The following ZC3H12B variants were observed in gnomAD, a reference collection of about 807,000 sequenced individuals.
ZC3H12B encodes the protein zinc finger CCCH-type containing 12B, also known as probable ribonuclease ZC3H12B.
Under a neutral mutation model 43.9 loss-of-function variants are expected in ZC3H12B, and 7 were observed. That is an observed-to-expected ratio of 0.16 (90% confidence interval 0.09 to 0.30). The LOEUF is 0.30. ZC3H12B is among the 10% of genes least tolerant of loss of function. ZC3H12B has a pLI of 1.00. For synonymous variants in ZC3H12B, 222 were observed against 241.7 expected (o/e 0.92, Z 0.76); for missense variants, 475 against 670.2 (o/e 0.71, Z 3.22).
the ZC3H12B span, among the ~76,000 whole-genome samples, chrX:65,087,127 C>G: frequency 1.8e-5 from 2 of 110,596 alleles, no homozygotes; most frequent in Non-Finnish European, 3.8e-5. Context: ...AGCTCCGATA[C>G]CCACAATAGG....
At chrX:65,043,949 C>T in the ZC3H12B span, among the ~76,000 whole-genome samples, 80 of 111,781 alleles carry the variant, frequency 7.2e-4, no homozygotes, top group Non-Finnish European at 1.2e-3. Flanking sequence ...ATTTATTGAG[C>T]GTTGCTACAT....
chrX:65,148,049 C>T, the ZC3H12B span, among the ~76,000 whole-genome samples: 6 of 110,233 alleles, frequency 5.4e-5, no homozygotes, highest in Non-Finnish European at 7.6e-5. Context: ...TGGGATGAGC[C>T]TGGACCCTAA....
At chrX:65,310,263 G>C in the ZC3H12B span, among the ~76,000 whole-genome samples, 97 of 111,788 alleles carry the variant, frequency 8.7e-4, no homozygotes, top group African/African-American at 3.0e-3. Flanking sequence ...CATCGTCTCA[G>C]CCCAAAATCT....
intron 3 of ZC3H12B, among the ~76,000 whole-genome samples, chrX:65,433,725 A>T (rs1216601304): frequency 1.8e-5 from 2 of 111,854 alleles, no homozygotes; most frequent in Non-Finnish European, 3.8e-5. Flanking sequence ...GTAAATGGCC[A>T]TAGGACCCTT....
intron 3 of ZC3H12B, among the ~76,000 whole-genome samples, chrX:65,459,885 G>A (rs1184740656): frequency 9.0e-6 from 1 of 111,383 alleles, no homozygotes; most frequent in Non-Finnish European, 1.9e-5. Context: ...AGGAAATAAA[G>A]GGTATTCAAT....
chrX:65,069,368 T>C, the ZC3H12B span, among the ~76,000 whole-genome samples: 1 of 108,051 alleles, frequency 9.3e-6, no homozygotes, highest in Non-Finnish European at 1.9e-5. Flanking sequence ...ATAACCTGTG[T>C]CCAAGCTTAC....
At chrX:65,356,526 C>A in the ZC3H12B span, among the ~76,000 whole-genome samples, 2 of 111,855 alleles carry the variant, frequency 1.8e-5, no homozygotes, top group South Asian at 7.4e-4. Flanking sequence ...TATTCTTCAT[C>A]AGAATTTGTA....
chrX:65,076,775 A>G, the ZC3H12B span, among the ~76,000 whole-genome samples: 1 of 109,456 alleles, frequency 9.1e-6, no homozygotes, highest in Non-Finnish European at 1.9e-5. Context: ...AATAATTCCT[A>G]TATCTTTGTT....
At chrX:65,187,615 C>A in the ZC3H12B span, among the ~76,000 whole-genome samples, 1 of 108,717 alleles carries the variant, frequency 9.2e-6, no homozygotes, top group African/African-American at 3.3e-5. Flanking sequence ...ACCGCAATTA[C>A]TTTTGCACCA....
chrX:65,149,143 T>C, the ZC3H12B span, among the ~76,000 whole-genome samples: 120 of 111,471 alleles, frequency 1.1e-3, 1 homozygote, highest in Middle Eastern at 4.6e-3. Flanking sequence ...CCAGGGTATC[T>C]AAAATCTCAG....
At chrX:65,346,767 C>A in the ZC3H12B span, among the ~76,000 whole-genome samples, 1 of 112,384 alleles carries the variant, frequency 8.9e-6, no homozygotes, top group South Asian at 3.7e-4. Context: ...CCTTCTCTCA[C>A]CAGGGCATCT....
the ZC3H12B span, among the ~76,000 whole-genome samples, chrX:65,176,473 A>G: frequency 3.2e-3 from 360 of 111,605 alleles, 2 homozygotes; most frequent in African/African-American, 0.011. Flanking sequence ...TGCAGATTTA[A>G]GTGTTCCTGC....
At chrX:65,326,607 A>ACC in the ZC3H12B span, among the ~76,000 whole-genome samples, 3,017 of 110,431 alleles carry the variant, frequency 0.027, 101 homozygotes, top group African/African-American at 0.095. Context: ...TGTCAGCATG[A>ACC]CCATAGTTTT....
At chrX:65,328,264 G>A in the ZC3H12B span, 1 of 256,464 alleles carries the variant, frequency 3.9e-6, no homozygotes, top group African/African-American at 2.9e-5. Context: ...TAGGGTAGGT[G>A]GGTGCCCAAC....
At chrX:65,176,049 T>C in the ZC3H12B span, among the ~76,000 whole-genome samples, 1 of 111,404 alleles carries the variant, frequency 9.0e-6, no homozygotes, top group Non-Finnish European at 1.9e-5. Flanking sequence ...AACCATTCAC[T>C]ACCCTGGAAA....
At chrX:65,501,078 A>C (rs755017341) in intron 4 of ZC3H12B, among the ~76,000 whole-genome samples, 31 of 111,438 alleles carry the variant, frequency 2.8e-4, no homozygotes, top group African/African-American at 9.8e-4. Flanking sequence ...ACAGCTAGTA[A>C]GGGACATAGC....
At chrX:65,042,416 G>C in the ZC3H12B span, among the ~76,000 whole-genome samples, 1 of 112,104 alleles carries the variant, frequency 8.9e-6, no homozygotes, top group East Asian at 2.8e-4. Context: ...TGCTAACAGG[G>C]GAGTATAAGC....
chrX:65,355,529 C>T, the ZC3H12B span, among the ~76,000 whole-genome samples: 2 of 111,284 alleles, frequency 1.8e-5, no homozygotes. Flanking sequence ...AATTCTGGGA[C>T]ACTTCCCAAC....
chrX:65,355,602 G>A, the ZC3H12B span, among the ~76,000 whole-genome samples: 1 of 111,327 alleles, frequency 9.0e-6, no homozygotes, highest in Admixed American at 9.5e-5. Flanking sequence ...GAGCAATTTG[G>A]GGGTGAGAAA....
Sources: allele counts gnomAD v4.1 joint callset (sites outside exome capture counted in the v4.1 genomes callset), GRCh38; gene constraint gnomAD v4.1.1; transcripts MANE v1.5; gene names NCBI Gene and HGNC (gene_info 2026-07-23, HGNC 2026-07-21).